FHIP1A: variants seen among roughly 807,000 people sequenced by gnomAD.
FHIP1A encodes the protein FHF complex subunit HOOK-interacting protein 1A.
FHIP1A carries 61 observed loss-of-function variants against 88.6 expected under a neutral mutation model. The ratio of observed to expected loss-of-function variants is 0.69; its 90% CI spans 0.56 to 0.85. The LOEUF is 0.85. Among genes scored for constraint, FHIP1A ranks in the 40% least tolerant of loss-of-function variants. The pLI, the probability that FHIP1A is intolerant of heterozygous loss-of-function variation, is 0.00. For missense variants in FHIP1A, 1,154 were observed against 1,273.5 expected (o/e 0.91, Z 1.43); for synonymous variants, 478 against 496.0 (o/e 0.96, Z 0.48).
intron 3 of FHIP1A, among the ~76,000 whole-genome samples, chr4:151,549,753 C>T (rs990917215): frequency 6.6e-6 from 1 of 152,106 alleles, no homozygotes; most frequent in African/African-American, 2.4e-5. Context: ...TGAATTCTTG[C>T]ATGAGATCCA....
rs143896202 is a variant in FHIP1A, at chr4:151,414,609, T to A, written c.-356+5144T>A. On this transcript the variant is annotated intron_variant, in intron 1 of 13. Transcript: ENST00000435205. ...TACTGGAATTTGGACTAAACTTTTA[T>A]TCTCAGAAGGCATTACTAAGGGGAG... Among the ~76,000 whole-genome samples, 239 of 152,340 alleles carry A rather than the reference T, an allele frequency of 1.6e-3. 1 individual carries two copies. Among genetic ancestry groups the A allele is most frequent in the African/African-American group, 5.3e-3 (220 of 41,578 alleles).
In FHIP1A at chr4:151,667,842, A is replaced by G. The variant is rs1328297271; in HGVS notation, c.*5088A>G. 6.6e-6 allele frequency among the ~76,000 whole-genome samples: 1 copy of G among 152,210 alleles called. No individual in the cohort carries two copies. Among genetic ancestry groups the G allele is most frequent in the African/African-American group, 2.4e-5 (1 of 41,448 alleles). On this transcript the variant is annotated 3_prime_UTR_variant, in exon 14 of 14. Coordinates refer to ENST00000435205, the MANE Select transcript of FHIP1A (RefSeq NM_001109977.3). ...CATGACTTCGACATGCATTCCAGGC[A>G]TCTTTCGGGGAGTTTAGATTTACTG...
At chr4:151,657,012 G>A (rs1378669381) in intron 13 of FHIP1A, 114 bp downstream of exon 13, 3 of 1,108,964 alleles carry the variant, frequency 2.7e-6, no homozygotes, top group South Asian at 1.9e-5. Flanking sequence ...AGCATTCAGA[G>A]ATATTTTCAT....
At chr4:151,538,217 A>G (rs1732143461) in intron 3 of FHIP1A, among the ~76,000 whole-genome samples, 1 of 152,186 alleles carries the variant, frequency 6.6e-6, no homozygotes, top group Admixed American at 6.5e-5. Context: ...TACTAGTTGT[A>G]TAAGCACAGG....
rs1195248983 is a variant in FHIP1A at position 151,662,680 on chromosome 4, C to T, written c.3049C>T (p.Leu1017=). ...AALFPEFLKE[L]AALAQEHSIL... is the part of the protein sequence containing the mutation. ...CCTCTTCCCAGAGTTCCTGAAGGAG[C>T]TGGCGGCCTTGGCCCAGGAACACTC... Residue 1017 remains leucine, a synonymous_variant, in exon 14 of 14, where the codon CTG becomes TTG. Coordinates refer to ENST00000435205, the MANE Select transcript of FHIP1A (RefSeq NM_001109977.3). 6 of 1,551,386 alleles carry T rather than the reference C, an allele frequency of 3.9e-6. No individual in the cohort carries two copies. Among genetic ancestry groups the T allele is most frequent in the Non-Finnish European group, 5.2e-6 (6 of 1,146,920 alleles).
chr4:151,636,398 A>G (rs1337389067), intron 8 of FHIP1A, among the ~76,000 whole-genome samples: 3 of 152,022 alleles, frequency 2.0e-5, no homozygotes, highest in African/African-American at 7.2e-5. Flanking sequence ...TCAAGATGGT[A>G]CTTAGTTCTA....
chr4:151,477,053 A>C (rs930018148), intron 2 of FHIP1A, among the ~76,000 whole-genome samples: 2 of 152,220 alleles, frequency 1.3e-5, no homozygotes, highest in African/African-American at 4.8e-5. Flanking sequence ...CTGTGAATTA[A>C]TCTGTATTTT....
chr4:151,414,688 G>T (rs1037101824), intron 1 of FHIP1A, among the ~76,000 whole-genome samples: 11 of 152,164 alleles, frequency 7.2e-5, no homozygotes, highest in Admixed American at 2.0e-4. Flanking sequence ...TTGAAGTTCT[G>T]AGAGTGAGGA....
chr4:151,606,068 A>G (rs1735062233), intron 7 of FHIP1A, among the ~76,000 whole-genome samples: 1 of 152,208 alleles, frequency 6.6e-6, no homozygotes, highest in Non-Finnish European at 1.5e-5. Context: ...GGAGGAATAC[A>G]CTGATCGCTT....
intron 7 of FHIP1A, among the ~76,000 whole-genome samples, chr4:151,624,973 G>A (rs1468452918): frequency 6.6e-6 from 1 of 152,116 alleles, no homozygotes; most frequent in Non-Finnish European, 1.5e-5. Flanking sequence ...TGTTCTTCTT[G>A]GCGCTTCTTG....
intron 2 of FHIP1A, among the ~76,000 whole-genome samples, chr4:151,469,161 T>C (rs1729427940): frequency 6.6e-6 from 1 of 152,210 alleles, no homozygotes; most frequent in Non-Finnish European, 1.5e-5. Context: ...TTTTAAGAAG[T>C]GTTCACAAGA....
chr4:151,529,137 G>A (rs556925847), intron 3 of FHIP1A, among the ~76,000 whole-genome samples: 1 of 152,160 alleles, frequency 6.6e-6, no homozygotes, highest in East Asian at 1.9e-4. Context: ...GTGGGTGTAG[G>A]CTCCCCACCT....
At chr4:151,609,383 T>C (rs1392699740) in intron 7 of FHIP1A, among the ~76,000 whole-genome samples, 9 of 152,190 alleles carry the variant, frequency 5.9e-5, no homozygotes, top group Non-Finnish European at 1.3e-4. Flanking sequence ...AAAGATGATG[T>C]ACCCAGACAT....
intron 2 of FHIP1A, among the ~76,000 whole-genome samples, chr4:151,456,252 T>C (rs1337756115): frequency 6.6e-6 from 1 of 152,222 alleles, no homozygotes; most frequent in African/African-American, 2.4e-5. Flanking sequence ...CTTTTTAAAA[T>C]AACATCAGCT....
chr4:151,450,081 A>G (rs1728739457), intron 1 of FHIP1A, among the ~76,000 whole-genome samples: 1 of 152,188 alleles, frequency 6.6e-6, no homozygotes, highest in Admixed American at 6.5e-5. Flanking sequence ...TGTCATGAGC[A>G]CACATTTCAT....
Position 151,559,858 on chromosome 4 carries a change from C to A in FHIP1A, c.-122-6280C>A, listed in dbSNP as rs1733103105. On this transcript the variant is annotated intron_variant, in intron 3 of 13. Transcript: ENST00000435205. ...ACTTTCATGAGATGAGTTCTTTTTA[C>A]TTCTGCTCTGTTCATAGCAGAACTT... is the stretch of plus-strand genomic sequence containing the variant. 2.0e-5 allele frequency among the ~76,000 whole-genome samples: 3 copies of A among 152,138 alleles called. No homozygotes were observed. The South Asian group carries it at 6.2e-4, about 32-fold the overall frequency.
Position 151,656,259 on chromosome 4 carries a change from AGCTGGAGAACAT to A in FHIP1A, c.2590_2601del (p.Met864_Asn867del), listed in dbSNP as rs1737229154. On this transcript the variant is annotated inframe_deletion, in exon 12 of 14. Transcript: ENST00000435205. This position sits in a 1 kb window ranked among gnomAD's most constrained non-coding sequence, Gnocchi z 4.2. Reference sequence around the variant, plus strand: ...CCATTCATCAGCGTAGTCCTGTCAAAGCTGGAGAACATGCTGGAGAACTCTTTACATGTTAAT... The same window carrying A: ...CCATTCATCAGCGTAGTCCTGTCAAAGCTGGAGAACTCTTTACATGTTAAT... The A allele has an allele frequency of 6.4e-7, 1 of 1,551,530 alleles. No homozygotes were observed. Among genetic ancestry groups the A allele is most frequent in the African/African-American group, 1.4e-5 (1 of 73,034 alleles).
chr4:151,495,382 G>A (rs1235990933), intron 3 of FHIP1A, among the ~76,000 whole-genome samples: 1 of 151,716 alleles, frequency 6.6e-6, no homozygotes, highest in Non-Finnish European at 1.5e-5. Context: ...CGCGCCTGTA[G>A]TCCCAGCTAC....
At chr4:151,497,295 A>G (rs1730497837) in intron 3 of FHIP1A, among the ~76,000 whole-genome samples, 1 of 152,232 alleles carries the variant, frequency 6.6e-6, no homozygotes, top group African/African-American at 2.4e-5. Flanking sequence ...CATTATCTAT[A>G]TGCCATCTAT....
Sources: gnomAD v4.1 joint callset for allele counts (sites outside exome capture counted in the v4.1 genomes callset) on GRCh38, gnomAD v4.1.1 for gene constraint, Gnocchi (gnomAD v3.1) non-coding constraint, MANE v1.5 for transcripts, NCBI Gene and HGNC (gene_info 2026-07-23, HGNC 2026-07-21) for gene names.